Variants in MAF observed in about 807,000 individuals in gnomAD.
MAF encodes the protein MAF bZIP transcription factor, also known as transcription factor Maf.
A neutral mutation model predicts 22.0 loss-of-function variants in MAF; 10 were observed. The ratio of observed to expected loss-of-function variants is 0.45; its 90% CI spans 0.28 to 0.77. The LOEUF (loss-of-function observed/expected upper bound fraction) is 0.77, where lower values mean the gene tolerates loss of function less well. Ranked by LOEUF, MAF falls within the 30% of genes least tolerant of loss-of-function variation. The pLI is 0.12. For synonymous variants in MAF, 337 were observed against 255.8 expected (o/e 1.32, Z -3.03); for missense variants, 544 against 548.4 (o/e 0.99, Z 0.08).
At chr16:79,435,452 T>C in the MAF span, among the ~76,000 whole-genome samples, 1 of 152,248 alleles carries the variant, frequency 6.6e-6, no homozygotes, top group African/African-American at 2.4e-5. Context: ...TAGCGAAATC[T>C]TCTTTAAAGC....
chr16:79,418,838 T>C, the MAF span, among the ~76,000 whole-genome samples: 3 of 152,140 alleles, frequency 2.0e-5, no homozygotes, highest in Non-Finnish European at 2.9e-5. Flanking sequence ...CACCGCATGG[T>C]TGGGTGGAGC....
the MAF span, among the ~76,000 whole-genome samples, chr16:79,355,084 T>A: frequency 6.6e-6 from 1 of 152,170 alleles, no homozygotes; most frequent in African/African-American, 2.4e-5. Context: ...TTTTTCCCCC[T>A]CATCTATTTC....
At chr16:79,226,007 G>C in the MAF span, among the ~76,000 whole-genome samples, 2 of 152,154 alleles carry the variant, frequency 1.3e-5, no homozygotes, top group Admixed American at 1.3e-4. Flanking sequence ...AATACCATTT[G>C]ACCCAGCAAT....
At chr16:79,507,755 G>C in the MAF span, among the ~76,000 whole-genome samples, 2 of 152,180 alleles carry the variant, frequency 1.3e-5, no homozygotes, top group African/African-American at 4.8e-5. Context: ...ACATGTGTTT[G>C]GGAAATCTCG....
chr16:79,535,055 A>G, the MAF span, among the ~76,000 whole-genome samples: 2 of 152,140 alleles, frequency 1.3e-5, no homozygotes, highest in African/African-American at 4.8e-5. Context: ...CTTTGGTGAA[A>G]CCTTCATTGA....
chr16:79,448,369 A>G, the MAF span, among the ~76,000 whole-genome samples: 1 of 135,448 alleles, frequency 7.4e-6, no homozygotes, highest in Non-Finnish European at 1.6e-5. Flanking sequence ...GCTCAGATGA[A>G]TGCTAGCATT....
chr16:79,517,614 A>T, the MAF span, among the ~76,000 whole-genome samples: 1 of 131,902 alleles, frequency 7.6e-6, no homozygotes, highest in Non-Finnish European at 1.5e-5. Flanking sequence ...TCGCTCTATT[A>T]CCCAGACTGG....
At chr16:79,384,756 C>CA in the MAF span, among the ~76,000 whole-genome samples, 7 of 151,116 alleles carry the variant, frequency 4.6e-5, no homozygotes, top group African/African-American at 1.2e-4. Flanking sequence ...GACTCTGTCT[C>CA]AAAAAAAATA....
At chr16:79,506,808 G>C in the MAF span, among the ~76,000 whole-genome samples, 2 of 152,164 alleles carry the variant, frequency 1.3e-5, no homozygotes, top group Non-Finnish European at 1.5e-5. Flanking sequence ...GAGATGGGGA[G>C]TAGACTCAAG....
the MAF span, among the ~76,000 whole-genome samples, chr16:79,396,269 T>C: frequency 0.01 from 1,525 of 152,272 alleles, 29 homozygotes; most frequent in African/African-American, 0.035. Context: ...CAGTTCCACA[T>C]GGACCAAGCC....
chr16:79,382,999 C>G, the MAF span, among the ~76,000 whole-genome samples: 1 of 152,158 alleles, frequency 6.6e-6, no homozygotes, highest in Non-Finnish European at 1.5e-5. Flanking sequence ...TTTACTAAGT[C>G]TTTACTGCAT....
chr16:79,573,694 C>G, the MAF span, among the ~76,000 whole-genome samples: 278 of 152,076 alleles, frequency 1.8e-3, 1 homozygote, highest in South Asian at 0.045. Context: ...GACAACAAAC[C>G]AGTCAGAGAA....
At chr16:79,283,967 CA>C in the MAF span, among the ~76,000 whole-genome samples, 43 of 115,540 alleles carry the variant, frequency 3.7e-4, 4 homozygotes, top group Admixed American at 8.7e-4. Context: ...ACCTCCTCCT[CA>C]AAAAAAAAAA....
the MAF span, among the ~76,000 whole-genome samples, chr16:79,468,691 G>A: frequency 3.9e-5 from 6 of 152,192 alleles, no homozygotes; most frequent in African/African-American, 1.4e-4. Flanking sequence ...CAGTGGTAAC[G>A]TGGCCCCCAT....
At chr16:79,523,815 T>A in the MAF span, among the ~76,000 whole-genome samples, 1 of 152,204 alleles carries the variant, frequency 6.6e-6, no homozygotes, top group Admixed American at 6.5e-5. Context: ...GCAAAGCCTA[T>A]GGATAGATTC....
chr16:79,256,550 C>T, the MAF span, among the ~76,000 whole-genome samples: 1 of 152,204 alleles, frequency 6.6e-6, no homozygotes, highest in East Asian at 1.9e-4. Context: ...CAAGGACACA[C>T]CAGGAGCGTA....
At chr16:79,590,230 T>TGGAG (rs1260476360), downstream of MAF, among the ~76,000 whole-genome samples, 2 of 151,246 alleles carry the variant, frequency 1.3e-5, no homozygotes, top group Non-Finnish European at 3.0e-5. Context: ...TGGGGGGGCA[T>TGGAG]GGAGGGAGGG....
At chr16:79,231,870 G>A in the MAF span, among the ~76,000 whole-genome samples, 3 of 151,976 alleles carry the variant, frequency 2.0e-5, no homozygotes, top group Non-Finnish European at 4.4e-5. Flanking sequence ...TAGAATCTGT[G>A]GAAGCCCTGA....
the MAF span, among the ~76,000 whole-genome samples, chr16:79,529,621 A>G: frequency 6.6e-6 from 1 of 152,230 alleles, no homozygotes; most frequent in Non-Finnish European, 1.5e-5. Context: ...ACATTCAATA[A>G]ATGTCTGAAT....
Sources: gnomAD v4.1 joint callset for allele counts (sites outside exome capture counted in the v4.1 genomes callset) on GRCh38, gnomAD v4.1.1 for gene constraint, MANE v1.5 for transcripts, NCBI Gene and HGNC (gene_info 2026-07-23, HGNC 2026-07-21) for gene names.